The following WNT5A variants were observed in gnomAD, a reference collection of about 807,000 sequenced individuals.
The protein encoded by WNT5A is Wnt family member 5A, also known as protein Wnt-5a.
WNT5A carries 9 observed loss-of-function variants against 42.1 expected under a neutral mutation model. That is an observed-to-expected ratio of 0.21 (90% CI 0.13 to 0.37). The LOEUF (loss-of-function observed/expected upper bound fraction) is 0.37, where lower values mean the gene tolerates loss of function less well. WNT5A is among the 10% of genes least tolerant of loss of function. WNT5A has a pLI of 1.00. For synonymous variants in WNT5A, 210 were observed against 210.0 expected, an observed-to-expected ratio of 1.00 and a Z score of 0.00; for missense variants, 426 against 534.0, an observed-to-expected ratio of 0.80 and a Z score of 1.99.
intron 1 of WNT5A, among the ~76,000 whole-genome samples, chr3:55,482,143 A>G (rs2051477680): frequency 6.6e-6 from 1 of 152,206 alleles, no homozygotes; most frequent in Non-Finnish European, 1.5e-5. Flanking sequence ...ATGAGTCCAG[A>G]CGGGGCCAGA....
intron 1 of WNT5A, among the ~76,000 whole-genome samples, chr3:55,486,201 G>T (rs1377952615): frequency 2.0e-5 from 3 of 152,216 alleles, no homozygotes; most frequent in African/African-American, 4.8e-5. Flanking sequence ...GGACAAGGCG[G>T]ACTCCGCTCA....
chr3:55,481,086 A>G lies in WNT5A; in HGVS notation c.7-168T>C, dbSNP rs528218198. 5.3e-4 allele frequency: 421 copies of G among 794,156 alleles called. 1 individual carries two copies. Among genetic ancestry groups the G allele is most frequent in the Non-Finnish European group, 5.1e-4 (300 of 584,790 alleles). The allele number at this position is 794,156 out of a possible 1,614,324, so 49.2% of individuals were successfully genotyped here. On this transcript the variant is annotated intron_variant, in intron 1 of 4. Transcript: ENST00000264634. Reference sequence around the variant, plus strand: ...AGATATAGGCAGTTTCTTTTTCCAAATTAATCCACCCACGCAACCTCACCA... The same window carrying G: ...AGATATAGGCAGTTTCTTTTTCCAAGTTAATCCACCCACGCAACCTCACCA...
intron 3 of WNT5A, among the ~76,000 whole-genome samples, chr3:55,477,045 G>C (rs866137622): frequency 6.6e-6 from 1 of 152,106 alleles, no homozygotes; most frequent in Admixed American, 6.5e-5. Context: ...CAGAGGTGGC[G>C]GCCTGAATTT....
intron 1 of WNT5A, among the ~76,000 whole-genome samples, chr3:55,485,122 C>G (rs2106991998): frequency 6.6e-6 from 1 of 152,044 alleles, no homozygotes; most frequent in African/African-American, 2.4e-5. Context: ...CTGGGGGCCT[C>G]CGAGGGCCCC....
At chr3:55,482,495 G>A (rs539754644) in intron 1 of WNT5A, among the ~76,000 whole-genome samples, 2 of 152,324 alleles carry the variant, frequency 1.3e-5, no homozygotes, top group East Asian at 1.9e-4. Context: ...AACCTGTGCC[G>A]TAAAAGGGGC....
In WNT5A at chr3:55,481,109, C is replaced by T. The variant is rs2051452111; in HGVS notation, c.7-191G>A. The T allele has an allele frequency of 5.6e-6, 4 of 709,778 alleles. No homozygotes were observed. The Admixed American group carries it at 1.3e-4, about 23-fold the overall frequency. The allele number at this position is 709,778 out of a possible 1,614,324, so 44.0% of individuals were successfully genotyped here. A position where few individuals can be genotyped will look rare whatever the true frequency, so the allele number is the denominator to read the frequency against. On this transcript the variant is annotated intron_variant, in intron 1 of 4. Coordinates refer to ENST00000264634, the MANE Select transcript of WNT5A (RefSeq NM_003392.7). The stretch of plus-strand genomic sequence containing the variant: ...AAATTAATCCACCCACGCAACCTCA[C>T]CAGGAAATCTGATTTCGCTGGGATC...
chr3:55,494,135 A>G (rs2051690793), upstream of WNT5A: 1 of 152,224 alleles, frequency 6.6e-6, no homozygotes, highest in Admixed American at 6.5e-5. Flanking sequence ...AGACTTTTTT[A>G]TCAAAGAGAT....
intron 3 of WNT5A, 81 bp downstream of exon 3, chr3:55,479,233 T>G: frequency 1.4e-6 from 2 of 1,390,156 alleles, no homozygotes; most frequent in Non-Finnish European, 1.9e-6. Context: ...ATGCTTTCTA[T>G]CAAGCATGAA....
At chr3:55,497,228 C>T in the WNT5A span, among the ~76,000 whole-genome samples, 153 of 152,374 alleles carry the variant, frequency 1.0e-3, 1 homozygote, top group Non-Finnish European at 1.8e-3. Context: ...GTTACTGCTG[C>T]ATGGGCTGTC....
upstream of WNT5A, among the ~76,000 whole-genome samples, chr3:55,494,698 C>G (rs1022188330): frequency 7.2e-5 from 11 of 152,178 alleles, no homozygotes; most frequent in African/African-American, 2.7e-4. Context: ...GCCACCACGC[C>G]TGGCTAATTT....
chr3:55,499,457 C>T, the WNT5A span, among the ~76,000 whole-genome samples: 1 of 152,236 alleles, frequency 6.6e-6, no homozygotes, highest in African/African-American at 2.4e-5. Context: ...CCTACACCTA[C>T]AGGACATCTG....
upstream of WNT5A, chr3:55,490,564 G>C (rs1366369004): frequency 1.3e-5 from 2 of 152,320 alleles, no homozygotes; most frequent in Non-Finnish European, 2.9e-5. Context: ...GAAATGCATT[G>C]AGAATGAAAT....
Position 55,481,518 on chromosome 3 carries a change from G to C in WNT5A, c.7-600C>G, listed in dbSNP as rs148393573. The C allele has an allele frequency of 7.4e-3, 3,656 of 493,228 alleles. 123 individuals carry two copies. The highest frequency in any genetic ancestry group is 0.073 in the African/African-American group (3,438 of 47,146). The allele number at this position is 493,228 out of a possible 1,614,324, so 30.6% of individuals were successfully genotyped here. On this transcript the variant is annotated intron_variant, in intron 1 of 4. Transcript: ENST00000264634. ...GGCGAGGCCCCGGGGACCAGCGCGCGAGAGTGCCCAGCTGGGAAATGCAGC... is the reference window on the plus strand; with the variant it reads ...GGCGAGGCCCCGGGGACCAGCGCGCCAGAGTGCCCAGCTGGGAAATGCAGC...
chr3:55,491,868 A>C (rs540847157), upstream of WNT5A, among the ~76,000 whole-genome samples: 1 of 152,380 alleles, frequency 6.6e-6, no homozygotes, highest in East Asian at 1.9e-4. Context: ...GAGCAGGGCC[A>C]CAGATGGAGC....
intron 4 of WNT5A, among the ~76,000 whole-genome samples, chr3:55,472,928 T>C (rs984061806): frequency 6.6e-6 from 1 of 152,184 alleles, no homozygotes; most frequent in African/African-American, 2.4e-5. Context: ...CAATTTCACA[T>C]GGTTCAACCT....
At chr3:55,499,997 T>C in the WNT5A span, among the ~76,000 whole-genome samples, 1 of 142,764 alleles carries the variant, frequency 7.0e-6, no homozygotes, top group East Asian at 2.0e-4. Context: ...AAAAAAAAAT[T>C]AAATTAAATT....
At chr3:55,475,666 A>G (rs1183550503) in intron 3 of WNT5A, among the ~76,000 whole-genome samples, 1 of 152,196 alleles carries the variant, frequency 6.6e-6, no homozygotes, top group Non-Finnish European at 1.5e-5. Flanking sequence ...AAGTGTTAGA[A>G]TGACAGCAAG....
the WNT5A span, among the ~76,000 whole-genome samples, chr3:55,497,988 G>C: frequency 6.6e-6 from 1 of 152,136 alleles, no homozygotes; most frequent in African/African-American, 2.4e-5. Context: ...AATCCTGGCA[G>C]GATTTCAAAT....
chr3:55,491,567 G>A (rs1575411354), upstream of WNT5A, among the ~76,000 whole-genome samples: 1 of 152,218 alleles, frequency 6.6e-6, no homozygotes, highest in South Asian at 2.1e-4. Flanking sequence ...TCCCTGTGCC[G>A]CCTTTCCCAG....
Sources: allele counts gnomAD v4.1 joint callset (sites outside exome capture counted in the v4.1 genomes callset), GRCh38; gene constraint gnomAD v4.1.1; transcripts MANE v1.5; gene names NCBI Gene and HGNC (gene_info 2026-07-23, HGNC 2026-07-21).